Variants in PLA2R1 observed in about 807,000 individuals in gnomAD.
The protein encoded by PLA2R1 is phospholipase A2 receptor 1.
A neutral mutation model predicts 195.9 loss-of-function variants in PLA2R1; 158 were observed. The observed-to-expected ratio is 0.81, with a 90% CI of 0.71 to 0.92. PLA2R1 has a LOEUF of 0.92. Ranked by LOEUF, PLA2R1 falls within the 40% of genes least tolerant of loss-of-function variation. The probability of loss-of-function intolerance (pLI) is 0.00; values close to 1 mark genes in which losing one functional copy is unlikely to be tolerated. For missense variants in PLA2R1, 1,626 were observed against 1,764.6 expected (o/e 0.92, Z 1.41); for synonymous variants, 586 against 598.2 (o/e 0.98, Z 0.30).
chr2:159,971,976 A>G (rs1327326663), intron 17 of PLA2R1, among the ~76,000 whole-genome samples: 2 of 152,152 alleles, frequency 1.3e-5, no homozygotes, highest in Non-Finnish European at 2.9e-5. Flanking sequence ...TCCCATTGTC[A>G]GACGTTGGAA....
chr2:160,041,689 T>C (rs561688355), intron 3 of PLA2R1, among the ~76,000 whole-genome samples: 98 of 152,324 alleles, frequency 6.4e-4, no homozygotes, highest in Admixed American at 1.2e-3. Flanking sequence ...GGGCTTTATA[T>C]GCAATCAGGT....
Position 159,956,626 on chromosome 2 carries a change from C to A in PLA2R1, c.2906G>T (p.Cys969Phe), listed in dbSNP as rs754513546. The change falls in exon 21 of 30, where the codon TGC (cysteine) becomes TTC (phenylalanine). Residue 969 changes from cysteine (C) to phenylalanine (F), a missense_variant and splice_region_variant. Coordinates refer to ENST00000283243, the MANE Select transcript of PLA2R1 (RefSeq NM_007366.5). ...GTCTTTGGGGATATTCAGCAGAAGG[C>A]ACTATCAAAAAATGTCAAAACAAAA... ...PKGWLYFNYKCLLLNIPKDPS... is the reference protein window; with the variant it reads ...PKGWLYFNYKFLLLNIPKDPS... 13 of 1,570,258 alleles carry A rather than the reference C, an allele frequency of 8.3e-6. No homozygotes were observed. Among genetic ancestry groups the A allele is most frequent in the Non-Finnish European group, 7.9e-6 (9 of 1,140,242 alleles).
chr2:160,013,501 T>C, intron 9 of PLA2R1, 126 bp from the exon 10 acceptor site: 1 of 481,680 alleles, frequency 2.1e-6, no homozygotes. Flanking sequence ...CTCCTTGAAT[T>C]TTTGTCTTGA....
chr2:160,001,058 G>A (rs765861645), intron 11 of PLA2R1, among the ~76,000 whole-genome samples: 7 of 152,040 alleles, frequency 4.6e-5, no homozygotes, highest in Non-Finnish European at 1.0e-4. Flanking sequence ...AAAAGGATAT[G>A]AAACTGAAGG....
chr2:159,978,222 C>A (rs1364007181), intron 14 of PLA2R1, among the ~76,000 whole-genome samples: 1 of 152,032 alleles, frequency 6.6e-6, no homozygotes, highest in Admixed American at 6.6e-5. Flanking sequence ...CCATGAGTGA[C>A]CACATAACTC....
At chr2:159,986,924 C>A (rs1306636764) in intron 12 of PLA2R1, among the ~76,000 whole-genome samples, 3 of 152,092 alleles carry the variant, frequency 2.0e-5, no homozygotes, top group Admixed American at 2.0e-4. Flanking sequence ...TATCAATCTT[C>A]ATGAGGAAGC....
At chr2:160,018,125 C>T (rs574502561) in intron 8 of PLA2R1, among the ~76,000 whole-genome samples, 2 of 152,228 alleles carry the variant, frequency 1.3e-5, no homozygotes, top group South Asian at 4.1e-4. Flanking sequence ...AGCTTCTGAG[C>T]TTCCAGAAAA....
At chr2:160,025,763 G>A (rs1237632395) in intron 6 of PLA2R1, among the ~76,000 whole-genome samples, 4 of 152,024 alleles carry the variant, frequency 2.6e-5, no homozygotes, top group African/African-American at 9.7e-5. Flanking sequence ...AAAAATGGCA[G>A]TAGTAAGTCT....
chr2:160,005,909 C>T, intron 10 of PLA2R1, 88 bp from the exon 11 acceptor site: 3 of 843,388 alleles, frequency 3.6e-6, no homozygotes, highest in Admixed American at 4.1e-5. Flanking sequence ...ACAGAATGGC[C>T]CCAGAGTAAG....
chr2:159,968,930 A>T lies in PLA2R1; in HGVS notation c.2764+326T>A, dbSNP rs552543219. 4.6e-5 allele frequency among the ~76,000 whole-genome samples: 7 copies of T among 152,364 alleles called. No individual in the cohort carries two copies. The East Asian group carries it at 7.7e-4, about 17-fold the overall frequency. ...ATTGGATATAGGAATAGATTTTTTTAAAAAGTGCTTCCATTGAAATACCAT... is the reference window on the plus strand; with the variant it reads ...ATTGGATATAGGAATAGATTTTTTTTAAAAGTGCTTCCATTGAAATACCAT... On this transcript the variant is annotated intron_variant, in intron 19 of 29. Transcript: ENST00000283243.
intron 1 of PLA2R1, among the ~76,000 whole-genome samples, chr2:160,049,063 G>A (rs1382617862): frequency 2.0e-5 from 3 of 151,846 alleles, no homozygotes; most frequent in Non-Finnish European, 2.9e-5. Context: ...GGATGGTCTC[G>A]ATCTCCTGAC....
At chr2:159,930,991 T>A (rs1268692525), downstream of PLA2R1, among the ~76,000 whole-genome samples, 1 of 152,194 alleles carries the variant, frequency 6.6e-6, no homozygotes, top group East Asian at 1.9e-4. Context: ...CTGTGTGGAT[T>A]CCAGAGTTCA....
rs1207615417 is a variant in PLA2R1, at chr2:159,956,542, G to A, written c.2990C>T (p.Thr997Ile). The change falls in exon 21 of 30, where the codon ACC becomes ATC. Residue 997 changes from threonine (T) to isoleucine (I), a missense_variant. Transcript: ENST00000283243. ...CACCTCACTTTCAATGGCGACCAGG[G>A]TCCCCCCTTCTTCAGCACAGAAATG... ...AQHFCAEEGG[T>I]LVAIESEVEQ... 1.9e-6 allele frequency: 3 copies of A among 1,612,470 alleles called. No individual in the cohort carries two copies. Among genetic ancestry groups the A allele is most frequent in the Non-Finnish European group, 2.5e-6 (3 of 1,178,708 alleles).
intron 6 of PLA2R1, among the ~76,000 whole-genome samples, chr2:160,024,005 C>A (rs776222792): frequency 7.9e-5 from 12 of 151,140 alleles, no homozygotes; most frequent in Middle Eastern, 3.4e-3. Flanking sequence ...ACCAGGGTCA[C>A]CTACAGTTCT....
chr2:159,952,718 A>G (rs1338865563), intron 23 of PLA2R1, among the ~76,000 whole-genome samples: 1 of 152,188 alleles, frequency 6.6e-6, no homozygotes, highest in East Asian at 1.9e-4. Flanking sequence ...TGAACGAGAT[A>G]TCCACACAAG....
chr2:160,032,453 C>A lies in PLA2R1; in HGVS notation c.841+506G>T, dbSNP rs72966330. On this transcript the variant is annotated intron_variant, in intron 4 of 29. Transcript: ENST00000283243. Reference sequence around the variant, plus strand: ...TAGTTTATCGGCACAATTCTTTTAACATATTATTGTCTATACTGTTAGTTA... The same window carrying A: ...TAGTTTATCGGCACAATTCTTTTAAAATATTATTGTCTATACTGTTAGTTA... 6.2e-3 allele frequency among the ~76,000 whole-genome samples: 951 copies of A among 152,292 alleles called. 10 individuals carry two copies. The highest frequency in any genetic ancestry group is 9.8e-3 in the Non-Finnish European group (668 of 68,030).
chr2:159,974,136 G>C (rs946980079), intron 17 of PLA2R1, among the ~76,000 whole-genome samples: 5 of 152,194 alleles, frequency 3.3e-5, no homozygotes, highest in African/African-American at 1.2e-4. Flanking sequence ...TCATGTCTGA[G>C]ACGAAGCTGG....
chr2:159,957,486 C>T (rs572429968), intron 20 of PLA2R1, among the ~76,000 whole-genome samples: 1 of 152,238 alleles, frequency 6.6e-6, no homozygotes, highest in South Asian at 2.1e-4. Context: ...TCCTGAGTAA[C>T]TGGGACTACA....
At chr2:159,991,874 T>C (rs2105339661) in intron 11 of PLA2R1, among the ~76,000 whole-genome samples, 1 of 86,994 alleles carries the variant, frequency 1.1e-5, no homozygotes, top group Admixed American at 1.3e-4. Context: ...CGTTGGACAT[T>C]TGGGTTGGTT....
Sources: gnomAD v4.1 joint callset for allele counts (sites outside exome capture counted in the v4.1 genomes callset) on GRCh38, gnomAD v4.1.1 for gene constraint, MANE v1.5 for transcripts, NCBI Gene and HGNC (gene_info 2026-07-23, HGNC 2026-07-21) for gene names.